The following GNG7 variants were observed in gnomAD, a reference collection of about 807,000 sequenced individuals.
The protein encoded by GNG7 is guanine nucleotide-binding protein G(I)/G(S)/G(O) subunit gamma-7.
In GNG7, 1 loss-of-function variant was observed where a neutral mutation model predicts 4.0. The observed-to-expected ratio is 0.25, with a 90% CI of 0.09 to 1.18. GNG7 has a LOEUF of 1.18. Ranked by LOEUF, GNG7 falls within the 50% of genes most tolerant of loss-of-function variation. GNG7 has a pLI of 0.50. For missense variants in GNG7, 86 were observed against 91.9 expected (o/e 0.94, Z 0.26); for synonymous variants, 34 against 36.9 (o/e 0.92, Z 0.29).
intron 2 of GNG7, among the ~76,000 whole-genome samples, chr19:2,624,456 G>A (rs1326882860): frequency 1.3e-5 from 2 of 151,222 alleles, no homozygotes; most frequent in African/African-American, 2.4e-5. Flanking sequence ...GCGAGAACCC[G>A]GGAGGCGGAG....
At chr19:2,521,653 G>A (rs1324370975) in intron 3 of GNG7, among the ~76,000 whole-genome samples, 1 of 118,080 alleles carries the variant, frequency 8.5e-6, no homozygotes, top group Non-Finnish European at 1.6e-5. Flanking sequence ...TTGCTCTGTT[G>A]CCCAGGCTGG....
At chr19:2,682,567 G>A (rs1983765209) in intron 1 of GNG7, among the ~76,000 whole-genome samples, 1 of 150,166 alleles carries the variant, frequency 6.7e-6, no homozygotes, top group Non-Finnish European at 1.5e-5. Context: ...GGAGGCTGAG[G>A]CAGGAGAATC....
chr19:2,591,735 G>T (rs1213119064), intron 2 of GNG7, among the ~76,000 whole-genome samples: 1 of 152,086 alleles, frequency 6.6e-6, no homozygotes, highest in Non-Finnish European at 1.5e-5. Flanking sequence ...CATATGTAAA[G>T]AGCACCTACA....
Position 2,611,621 on chromosome 19 carries a change from G to C in GNG7, c.-78+34603C>G, listed in dbSNP as rs1981569224. ...AGAGGCCAAGGTGGGAGGATAACTT[G>C]GGCTCAGAAGGTCGAGACCAGCCTG... On this transcript the variant is annotated intron_variant, in intron 2 of 4. Coordinates refer to ENST00000382159, the MANE Select transcript of GNG7 (RefSeq NM_052847.3). This position sits in a 1 kb window ranked among gnomAD's most constrained non-coding sequence, Gnocchi z 6.0. The C allele has an allele frequency of 6.6e-6, 1 of 152,218 alleles. No individual in the cohort carries two copies. Among genetic ancestry groups the C allele is most frequent in the Non-Finnish European group, 1.5e-5 (1 of 68,058 alleles). The allele number at this position is 152,218 out of a possible 1,614,324, so 9.4% of individuals were successfully genotyped here.
chr19:2,597,966 C>T (rs948560255), intron 2 of GNG7, among the ~76,000 whole-genome samples: 4 of 151,758 alleles, frequency 2.6e-5, no homozygotes, highest in East Asian at 1.9e-4. Flanking sequence ...ATGTACAATG[C>T]GCTCCATATT....
chr19:2,637,853 G>C (rs1340389969), intron 2 of GNG7, among the ~76,000 whole-genome samples: 1 of 152,188 alleles, frequency 6.6e-6, no homozygotes, highest in Non-Finnish European at 1.5e-5. Context: ...AGACCCCCCG[G>C]GTTAGGGGAT....
intron 2 of GNG7, among the ~76,000 whole-genome samples, chr19:2,572,124 C>A (rs1017173678): frequency 6.6e-6 from 1 of 151,928 alleles, no homozygotes; most frequent in Non-Finnish European, 1.5e-5. Context: ...CGAGCTCAAG[C>A]GATCCTCCCA....
chr19:2,516,390 A>G (rs1318217414), intron 4 of GNG7, among the ~76,000 whole-genome samples: 1 of 151,876 alleles, frequency 6.6e-6, no homozygotes, highest in Non-Finnish European at 1.5e-5. Context: ...ACGCCCAGCT[A>G]ATTTTTGTAT....
chr19:2,656,894 T>C (rs1982990382), intron 1 of GNG7, among the ~76,000 whole-genome samples: 3 of 152,024 alleles, frequency 2.0e-5, no homozygotes, highest in African/African-American at 7.3e-5. Flanking sequence ...AACGAGTAAG[T>C]CCTAATGATT....
rs908862564 is a variant in GNG7 at position 2,609,639 on chromosome 19, T to C, written c.-78+36585A>G. On this transcript the variant is annotated intron_variant, in intron 2 of 4. Transcript: ENST00000382159. The surrounding 1 kb of genome is among the most constrained non-coding windows in gnomAD (Gnocchi z 4.4). ...GACAGGGTCCCACCTGTTACCGTCT[T>C]GGACTTCCAGCCTCCAGAACCAAGA... Among the ~76,000 whole-genome samples the C allele has an allele frequency of 2.0e-5, 3 of 152,162 alleles. No individual in the cohort carries two copies. Among genetic ancestry groups the C allele is most frequent in the African/African-American group, 7.2e-5 (3 of 41,444 alleles).
rs370936212 is a variant in GNG7, at chr19:2,661,470, C to T, written c.-134-15190G>A. ...GATCAGGAATTTGAGACCAGCCTGG[C>T]CAACACAGTGAAACCCTATCTCTAC... On this transcript the variant is annotated intron_variant, in intron 1 of 4. Coordinates refer to ENST00000382159, the MANE Select transcript of GNG7 (RefSeq NM_052847.3). 7.9e-5 allele frequency among the ~76,000 whole-genome samples: 12 copies of T among 151,582 alleles called. No individual in the cohort carries two copies. In the South Asian group the frequency reaches 2.5e-3, roughly 32 times the overall value.
At chr19:2,570,004 C>A (rs4807299) in intron 2 of GNG7, among the ~76,000 whole-genome samples, 11,216 of 152,186 alleles carry the variant, frequency 0.074, 760 homozygotes, top group East Asian at 0.38. Flanking sequence ...AAATGCGACC[C>A]CCTATGTTGG....
rs1982209290 is a variant in GNG7, at chr19:2,633,262, A to G, written c.-78+12962T>C. The stretch of plus-strand genomic sequence containing the variant: ...AGAGGGTCAGAGAGGGTCAAGGTCA[A>G]GCCACAGATTGGCAGAGCCATCCTC... On this transcript the variant is annotated intron_variant, in intron 2 of 4. Transcript: ENST00000382159. The surrounding 1 kb of genome is among the most constrained non-coding windows in gnomAD (Gnocchi z 5.9). Among the ~76,000 whole-genome samples, 1 of 152,174 alleles carries G rather than the reference A, an allele frequency of 6.6e-6. No homozygotes were observed. The highest frequency in any genetic ancestry group is 2.4e-5 in the African/African-American group (1 of 41,458).
At chr19:2,573,355 C>T (rs1980209089) in intron 2 of GNG7, among the ~76,000 whole-genome samples, 1 of 151,950 alleles carries the variant, frequency 6.6e-6, no homozygotes, top group African/African-American at 2.4e-5. Flanking sequence ...ATTGAGGGGA[C>T]CACAGTTCCG....
At chr19:2,658,052 T>C (rs1219612946) in intron 1 of GNG7, among the ~76,000 whole-genome samples, 2 of 152,112 alleles carry the variant, frequency 1.3e-5, no homozygotes, top group African/African-American at 2.4e-5. Flanking sequence ...AGCCTGGCAT[T>C]TGGGGCCACT....
Position 2,567,428 on chromosome 19 carries a change from C to T in GNG7, c.-77-12240G>A, listed in dbSNP as rs117014670. Reference sequence around the variant, plus strand: ...GCTGCCTCGACCTCCCAGGCTCAAGCGACCTCCCTGCCTCAGCCTCCTGAG... The same window carrying T: ...GCTGCCTCGACCTCCCAGGCTCAAGTGACCTCCCTGCCTCAGCCTCCTGAG... On this transcript the variant is annotated intron_variant, in intron 2 of 4. Coordinates refer to ENST00000382159, the MANE Select transcript of GNG7 (RefSeq NM_052847.3). 1.6e-3 allele frequency among the ~76,000 whole-genome samples: 249 copies of T among 151,910 alleles called. 6 individuals carry two copies. The East Asian group carries it at 0.047, about 28-fold the overall frequency.
In GNG7 at chr19:2,513,081, G is replaced by GC; in HGVS notation, c.*1940dup. 2 of 985,618 alleles carry GC rather than the reference G, an allele frequency of 2.0e-6. No individual in the cohort carries two copies. Among genetic ancestry groups the GC allele is most frequent in the Non-Finnish European group, 2.4e-6 (2 of 830,074 alleles). The allele number at this position is 985,618 out of a possible 1,614,324, so 61.1% of individuals were successfully genotyped here. On this transcript the variant is annotated 3_prime_UTR_variant, in exon 5 of 5. Coordinates refer to ENST00000382159, the MANE Select transcript of GNG7 (RefSeq NM_052847.3). ...GCCGGGGGTGGGGAGCCCGGCTGTG[G>GC]CCTGTGGGAGCTGCCCGAGGTTGAG...
chr19:2,551,590 C>CAACAAATATATATTTATAAATATGT, intron 3 of GNG7, among the ~76,000 whole-genome samples: 1 of 122,566 alleles, frequency 8.2e-6, no homozygotes, highest in East Asian at 2.9e-4. Flanking sequence ...TATAAATATG[C>CAACAAATATATATTTATAAATATGT]ATTTATAAAT....
intron 2 of GNG7, among the ~76,000 whole-genome samples, chr19:2,571,364 G>A (rs1171361445): frequency 2.0e-5 from 3 of 152,042 alleles, no homozygotes; most frequent in African/African-American, 7.2e-5. Flanking sequence ...GACCTTGTTG[G>A]ACACGTGGGC....
Sources: gnomAD v4.1 joint callset for allele counts (sites outside exome capture counted in the v4.1 genomes callset) on GRCh38, gnomAD v4.1.1 for gene constraint, Gnocchi (gnomAD v3.1) non-coding constraint, MANE v1.5 for transcripts, NCBI Gene and HGNC (gene_info 2026-07-23, HGNC 2026-07-21) for gene names.